Variants in CELF2 observed in about 807,000 individuals in gnomAD.
CELF2 encodes CUG triplet repeat RNA-binding protein 2.
In CELF2, 8 loss-of-function variants were observed where a neutral mutation model predicts 62.6. That is an observed-to-expected ratio of 0.13 (90% CI 0.07 to 0.23). The LOEUF (loss-of-function observed/expected upper bound fraction) is 0.23, where lower values mean the gene tolerates loss of function less well. CELF2 is among the 10% of genes least tolerant of loss of function. The probability of loss-of-function intolerance (pLI) is 1.00; values close to 1 mark genes in which losing one functional copy is unlikely to be tolerated. For synonymous variants in CELF2, 258 were observed against 250.0 expected, an observed-to-expected ratio of 1.03 and a Z score of -0.30; for missense variants, 333 against 671.0, an observed-to-expected ratio of 0.50 and a Z score of 5.56.
chr10:10,753,390 A>C, the CELF2 span, among the ~76,000 whole-genome samples: 1 of 151,890 alleles, frequency 6.6e-6, no homozygotes, highest in Non-Finnish European at 1.5e-5. Flanking sequence ...GTAACTCTGC[A>C]ACAGAGTGAT....
At chr10:11,090,787 C>T (rs1172261568) in intron 1 of CELF2, among the ~76,000 whole-genome samples, 1 of 152,094 alleles carries the variant, frequency 6.6e-6, no homozygotes, top group Non-Finnish European at 1.5e-5. Context: ...TAATGGAATT[C>T]CACAAGAGTT....
chr10:10,725,140 C>T, the CELF2 span, among the ~76,000 whole-genome samples: 1 of 152,162 alleles, frequency 6.6e-6, no homozygotes, highest in Non-Finnish European at 1.5e-5. Flanking sequence ...ACTCTAATTT[C>T]CCTAAGGGTG....
At chr10:10,539,752 A>T in the CELF2 span, among the ~76,000 whole-genome samples, 1 of 152,254 alleles carries the variant, frequency 6.6e-6, no homozygotes, top group Non-Finnish European at 1.5e-5. Flanking sequence ...AAAGTCCATC[A>T]GTGAAAAAGG....
In CELF2 at chr10:11,098,387, T is replaced by G. The variant is rs536365751; in HGVS notation, c.75-67099T>G. On this transcript the variant is annotated intron_variant, in intron 1 of 12. Transcript: ENST00000633077. This position sits in a 1 kb window ranked among gnomAD's most constrained non-coding sequence, Gnocchi z 4.0. ...GCCGTGGCAAGTGTCTAATTCTCCC[T>G]CCTGCTTAGCTCCATTTGCCCTTAG... The G allele has an allele frequency of 6.6e-6, 1 of 152,364 alleles. No individual in the cohort carries two copies. The highest frequency in any genetic ancestry group is 2.1e-4 in the South Asian group (1 of 4,820). The allele number at this position is 152,364 out of a possible 1,614,324, so 9.4% of individuals were successfully genotyped here.
chr10:10,619,838 G>C, the CELF2 span, among the ~76,000 whole-genome samples: 7 of 152,256 alleles, frequency 4.6e-5, no homozygotes, highest in East Asian at 7.7e-4. Flanking sequence ...TGGAGAAAAA[G>C]AATTGCTTTA....
intron 5 of CELF2, among the ~76,000 whole-genome samples, chr10:11,265,804 A>C (rs1038862413): frequency 2.0e-5 from 3 of 152,264 alleles, no homozygotes; most frequent in Non-Finnish European, 2.9e-5. Flanking sequence ...TATTCACAGA[A>C]GTGTACATTG....
chr10:11,029,473 C>T (rs1027423096), intron 1 of CELF2, among the ~76,000 whole-genome samples: 18 of 152,158 alleles, frequency 1.2e-4, no homozygotes, highest in South Asian at 4.1e-4. Context: ...ATATCCTCCA[C>T]GACGGGCCAG....
At chr10:10,958,449 G>T (rs983637431) in intron 2 of CELF2, among the ~76,000 whole-genome samples, 3 of 152,218 alleles carry the variant, frequency 2.0e-5, no homozygotes, top group African/African-American at 7.2e-5. Context: ...GCTAGCACAG[G>T]GAATGTGGAG....
the CELF2 span, among the ~76,000 whole-genome samples, chr10:10,490,636 C>A: frequency 6.6e-6 from 1 of 151,798 alleles, no homozygotes; most frequent in Non-Finnish European, 1.5e-5. Context: ...AACACAGGTA[C>A]ACACACATTA....
chr10:10,794,714 C>T (rs150752974), upstream of CELF2: 1 of 152,106 alleles, frequency 6.6e-6, no homozygotes, highest in Non-Finnish European at 1.5e-5. Flanking sequence ...TGGTGAATGC[C>T]TTTCCCTTGT....
intron 1 of CELF2, among the ~76,000 whole-genome samples, chr10:11,088,882 C>T (rs1186008916): frequency 6.6e-6 from 1 of 152,204 alleles, no homozygotes; most frequent in Non-Finnish European, 1.5e-5. Context: ...CTCGCTAGCA[C>T]ATCTGACAGG....
intron 1 of CELF2, among the ~76,000 whole-genome samples, chr10:10,888,784 G>A (rs963903019): frequency 3.3e-5 from 5 of 152,060 alleles, no homozygotes; most frequent in African/African-American, 9.7e-5. Context: ...ACCATCTCTC[G>A]CCAAAATTAG....
At chr10:10,847,221 C>T (rs766747797) in intron 1 of CELF2, among the ~76,000 whole-genome samples, 2 of 151,610 alleles carry the variant, frequency 1.3e-5, no homozygotes, top group Non-Finnish European at 2.9e-5. Flanking sequence ...TATATATATG[C>T]ACACACATCT....
chr10:11,332,960 G>A lies in CELF2; in HGVS notation c.*3907G>A, dbSNP rs1050211296. 9 of 152,574 alleles carry A rather than the reference G, an allele frequency of 5.9e-5. No individual in the cohort carries two copies. The highest frequency in any genetic ancestry group is 1.0e-4 in the Non-Finnish European group (7 of 68,036). 9.5% of individuals were successfully genotyped at this position (152,574 alleles called of 1,614,324 possible). A position where few individuals can be genotyped will look rare whatever the true frequency, so the allele number is the denominator to read the frequency against. On this transcript the variant is annotated 3_prime_UTR_variant, in exon 13 of 13. Coordinates refer to ENST00000633077, the MANE Select transcript of CELF2 (RefSeq NM_001326342.2). Reference sequence around the variant, plus strand: ...CACGGTGTGTCTCGACACGTACCACGTACGTGGAAACACAAGAGCCCACCA... The same window carrying A: ...CACGGTGTGTCTCGACACGTACCACATACGTGGAAACACAAGAGCCCACCA...
intron 2 of CELF2, among the ~76,000 whole-genome samples, chr10:10,922,421 T>C (rs2065006460): frequency 6.6e-6 from 1 of 152,174 alleles, no homozygotes; most frequent in African/African-American, 2.4e-5. Flanking sequence ...TTCCAAACTT[T>C]TGTAGAGCAG....
chr10:10,900,242 A>G (rs892230158), intron 1 of CELF2, among the ~76,000 whole-genome samples: 1 of 152,230 alleles, frequency 6.6e-6, no homozygotes, highest in Non-Finnish European at 1.5e-5. Flanking sequence ...GACAAGCATC[A>G]CCCTGTTAGC....
At chr10:11,136,112 A>T (rs1166338015) in intron 1 of CELF2, among the ~76,000 whole-genome samples, 4 of 152,226 alleles carry the variant, frequency 2.6e-5, no homozygotes, top group Non-Finnish European at 5.9e-5. Context: ...GAGAAATGCA[A>T]TTCAACCTTG....
rs143148226 is a variant in CELF2 at position 11,067,116 on chromosome 10, T to C, written c.74+48953T>C. On this transcript the variant is annotated intron_variant, in intron 1 of 12. Coordinates refer to ENST00000633077, the MANE Select transcript of CELF2 (RefSeq NM_001326342.2). ...AGCTTTTTTATGTCTTTTAGCGACA[T>C]CATCTCATGATTTTGCTGTTGGATT... Among the ~76,000 whole-genome samples the C allele has an allele frequency of 4.7e-3, 722 of 152,326 alleles. 7 individuals carry two copies. The highest frequency in any genetic ancestry group is 0.017 in the African/African-American group (705 of 41,572).
chr10:11,110,381 C>T lies in CELF2; in HGVS notation c.75-55105C>T, dbSNP rs1417346621. On this transcript the variant is annotated intron_variant, in intron 1 of 12. Coordinates refer to ENST00000633077, the MANE Select transcript of CELF2 (RefSeq NM_001326342.2). The surrounding 1 kb of genome is among the most constrained non-coding windows in gnomAD (Gnocchi z 4.0). ...TATTCATCCCCGTCATTGAGTGGAA[C>T]AGAAAAAATGTGAAACGATGAAGTT... Among the ~76,000 whole-genome samples, 3 of 152,152 alleles carry T rather than the reference C, an allele frequency of 2.0e-5. No individual in the cohort carries two copies. The highest frequency in any genetic ancestry group is 7.2e-5 in the African/African-American group (3 of 41,432).
Sources: allele counts gnomAD v4.1 joint callset (sites outside exome capture counted in the v4.1 genomes callset), GRCh38; gene constraint gnomAD v4.1.1; non-coding constraint Gnocchi (gnomAD v3.1); transcripts MANE v1.5; gene names NCBI Gene and HGNC (gene_info 2026-07-23, HGNC 2026-07-21).